PRIMA1: variants seen among roughly 807,000 people sequenced by gnomAD.
The protein encoded by PRIMA1 is proline-rich membrane anchor 1.
Under a neutral mutation model 17.5 loss-of-function variants are expected in PRIMA1, and 7 were observed. The observed-to-expected ratio is 0.40, with a 90% CI of 0.23 to 0.75. The LOEUF is 0.75. Ranked by LOEUF, PRIMA1 falls within the 30% of genes least tolerant of loss-of-function variation. PRIMA1 has a pLI of 0.37. For missense variants in PRIMA1, 200 were observed against 201.8 expected, an observed-to-expected ratio of 0.99 and a Z score of 0.05; for synonymous variants, 97 against 77.9, an observed-to-expected ratio of 1.25 and a Z score of -1.29.
chr14:93,783,124 C>T (rs10130245), intron 2 of PRIMA1, among the ~76,000 whole-genome samples: 16,533 of 152,216 alleles, frequency 0.11, 1,123 homozygotes, highest in Admixed American at 0.21. Flanking sequence ...TGCTATTTTG[C>T]AATGTGTGTC....
intron 3 of PRIMA1, among the ~76,000 whole-genome samples, chr14:93,746,207 C>T (rs2076216945): frequency 6.6e-6 from 1 of 152,040 alleles, no homozygotes; most frequent in Admixed American, 6.6e-5. Flanking sequence ...GCTGGGGGCT[C>T]CTGGGAATGG....
chr14:93,725,065 G>C (rs1221099491), intron 4 of PRIMA1, among the ~76,000 whole-genome samples: 1 of 152,178 alleles, frequency 6.6e-6, no homozygotes, highest in East Asian at 1.9e-4. Flanking sequence ...GCTCGGAAGA[G>C]CTAAGCAGGA....
intron 4 of PRIMA1, among the ~76,000 whole-genome samples, chr14:93,732,671 C>T (rs1047582806): frequency 6.6e-6 from 1 of 152,240 alleles, no homozygotes; most frequent in South Asian, 2.1e-4. Flanking sequence ...AGCATTTATA[C>T]GTCCAAGAGG....
chr14:93,751,575 T>C (rs1014430218), intron 3 of PRIMA1, among the ~76,000 whole-genome samples: 2 of 152,090 alleles, frequency 1.3e-5, no homozygotes, highest in Admixed American at 1.3e-4. Flanking sequence ...CATGTGAACT[T>C]TCCACATTCT....
chr14:93,723,780 G>A (rs1389830206), intron 4 of PRIMA1, among the ~76,000 whole-genome samples: 4 of 152,168 alleles, frequency 2.6e-5, no homozygotes, highest in Non-Finnish European at 5.9e-5. Flanking sequence ...GGGAAACTGA[G>A]GCTTAGAGAG....
chr14:93,761,915 CT>C (rs1884737869), intron 3 of PRIMA1, among the ~76,000 whole-genome samples: 1 of 152,238 alleles, frequency 6.6e-6, no homozygotes, highest in East Asian at 1.9e-4. Context: ...TGGCTCTTGC[CT>C]CCCAGCATAT....
intron 3 of PRIMA1, among the ~76,000 whole-genome samples, chr14:93,763,499 C>T (rs984746824): frequency 2.0e-5 from 3 of 152,172 alleles, no homozygotes; most frequent in South Asian, 2.1e-4. Flanking sequence ...CTCACACCAC[C>T]GATTGTCTTC....
chr14:93,776,670 G>A (rs563944420), intron 3 of PRIMA1, among the ~76,000 whole-genome samples: 1 of 152,314 alleles, frequency 6.6e-6, no homozygotes, highest in East Asian at 1.9e-4. Context: ...CTAAAGCACT[G>A]GGTCCATGTC....
At chr14:93,779,919 A>G (rs1254103005) in intron 2 of PRIMA1, among the ~76,000 whole-genome samples, 1 of 152,238 alleles carries the variant, frequency 6.6e-6, no homozygotes, top group African/African-American at 2.4e-5. Flanking sequence ...CTCAGCATCC[A>G]GGTGGTCTTG....
chr14:93,759,458 C>T (rs947746614), intron 3 of PRIMA1, among the ~76,000 whole-genome samples: 5 of 151,734 alleles, frequency 3.3e-5, no homozygotes, highest in Non-Finnish European at 5.9e-5. Context: ...AAGGGCGGGG[C>T]GGGGGGCAGT....
At chr14:93,756,091 A>G (rs2076288947) in intron 3 of PRIMA1, among the ~76,000 whole-genome samples, 1 of 152,016 alleles carries the variant, frequency 6.6e-6, no homozygotes, top group African/African-American at 2.4e-5. Context: ...ATTTTTTTTT[A>G]AGTCTGGGTC....
chr14:93,742,121 C>T (rs1297666201), intron 3 of PRIMA1, among the ~76,000 whole-genome samples: 3 of 152,198 alleles, frequency 2.0e-5, no homozygotes, highest in Admixed American at 6.5e-5. Flanking sequence ...CAGATCTGCC[C>T]TCCTGTCTGA....
intron 4 of PRIMA1, among the ~76,000 whole-genome samples, chr14:93,733,228 C>A (rs186375477): frequency 6.6e-6 from 1 of 152,228 alleles, no homozygotes; most frequent in Non-Finnish European, 1.5e-5. Flanking sequence ...AAACCTCCCA[C>A]CCCACCTGGC....
intron 2 of PRIMA1, among the ~76,000 whole-genome samples, chr14:93,782,085 G>A (rs887677884): frequency 2.0e-5 from 3 of 152,204 alleles, no homozygotes; most frequent in Non-Finnish European, 4.4e-5. Flanking sequence ...GGCTAACAGA[G>A]TGAAACCCTG....
intron 3 of PRIMA1, among the ~76,000 whole-genome samples, chr14:93,749,853 G>A (rs2076249223): frequency 6.6e-6 from 1 of 151,844 alleles, no homozygotes; most frequent in African/African-American, 2.4e-5. Flanking sequence ...GACCAGCCTG[G>A]GCAACATAGC....
At chr14:93,775,134 G>A (rs552911888) in intron 3 of PRIMA1, among the ~76,000 whole-genome samples, 5 of 152,368 alleles carry the variant, frequency 3.3e-5, no homozygotes, top group African/African-American at 1.2e-4. Flanking sequence ...ATGCTCGCCA[G>A]GTGAATGAGA....
rs1204560280 is a variant in PRIMA1 at position 93,719,071 on chromosome 14, G to A, written c.*2373C>T. On this transcript the variant is annotated 3_prime_UTR_variant, in exon 5 of 5. Transcript: ENST00000393140. Reference sequence around the variant, plus strand: ...GGCGGTCTTGGGCTTGAGGTGGGGGGTGGATATTAAGTGAATCTTTTAAAA... The same window carrying A: ...GGCGGTCTTGGGCTTGAGGTGGGGGATGGATATTAAGTGAATCTTTTAAAA... 3.3e-5 allele frequency: 5 copies of A among 152,092 alleles called. No individual in the cohort carries two copies. The East Asian group carries it at 7.7e-4, about 23-fold the overall frequency. The allele number at this position is 152,092 out of a possible 1,614,324, so 9.4% of individuals were successfully genotyped here.
chr14:93,736,438 G>A (rs60623093), intron 4 of PRIMA1, among the ~76,000 whole-genome samples: 68 of 152,350 alleles, frequency 4.5e-4, no homozygotes, highest in African/African-American at 1.5e-3. Flanking sequence ...TTATGCCTGT[G>A]TTATTTATCA....
intron 4 of PRIMA1, among the ~76,000 whole-genome samples, chr14:93,729,471 C>T (rs2076099853): frequency 6.6e-6 from 1 of 152,176 alleles, no homozygotes; most frequent in East Asian, 1.9e-4. Flanking sequence ...TCTCAGGGCC[C>T]CAGGAATGCA....
Sources: gnomAD v4.1 joint callset for allele counts (sites outside exome capture counted in the v4.1 genomes callset) on GRCh38, gnomAD v4.1.1 for gene constraint, MANE v1.5 for transcripts, NCBI Gene and HGNC (gene_info 2026-07-23, HGNC 2026-07-21) for gene names.